Variants in POMK observed in about 807,000 individuals in gnomAD.
POMK encodes protein O-mannose kinase.
In POMK, 19 loss-of-function variants were observed where a neutral mutation model predicts 23.0. The ratio of observed to expected loss-of-function variants is 0.83; its 90% confidence interval spans 0.58 to 1.21. The LOEUF is 1.21. Ranked by LOEUF, POMK falls within the 50% of genes most tolerant of loss-of-function variation. The pLI is 0.00. For missense variants in POMK, 410 were observed against 431.3 expected, an observed-to-expected ratio of 0.95 and a Z score of 0.44; for synonymous variants, 173 against 171.6, an observed-to-expected ratio of 1.01 and a Z score of -0.06.
chr8:43,107,368 C>T (rs183386530), intron 4 of POMK, among the ~76,000 whole-genome samples: 13 of 152,228 alleles, frequency 8.5e-5, no homozygotes, highest in South Asian at 2.1e-4. Context: ...TTGCATAAAG[C>T]GCATCAGTAA....
rs192633707 is a variant in POMK at position 43,111,366 on chromosome 8, G to C, written c.282+7536G>C. 3.2e-3 allele frequency among the ~76,000 whole-genome samples: 480 copies of C among 152,284 alleles called. 1 individual carries two copies. Among genetic ancestry groups the C allele is most frequent in the African/African-American group, 0.01 (422 of 41,572 alleles). ...GATCAAACTGCAAGGCCGCAGCGAG[G>C]CTGGGGGAGGGGCGCCCGCCATTGC... On this transcript the variant is annotated intron_variant, in intron 4 of 4. Coordinates refer to ENST00000331373, the MANE Select transcript of POMK (RefSeq NM_032237.5).
At chr8:43,120,076 A>T (rs1204696143) in intron 4 of POMK, among the ~76,000 whole-genome samples, 1 of 152,102 alleles carries the variant, frequency 6.6e-6, no homozygotes, top group Non-Finnish European at 1.5e-5. Context: ...ATCACCCAGA[A>T]TCTTACCACA....
chr8:43,096,672 A>AAAAAAAG (rs747438893), intron 1 of POMK, among the ~76,000 whole-genome samples: 2 of 151,606 alleles, frequency 1.3e-5, no homozygotes, highest in African/African-American at 2.4e-5. Flanking sequence ...ACTCCTTCTC[A>AAAAAAAG]AAAAAAGAAA....
rs1331879356 is a variant in POMK at position 43,122,646 on chromosome 8, C to G, written c.822C>G (p.Pro274=). ...EDVPFHDDLM[P]SYDEKIDIWK... is the part of the protein sequence containing the mutation. ...TGCCTTTCCACGATGATCTCATGCCCTCATATGATGAGAAGATTGACATTT... is the reference window on the plus strand; with the variant it reads ...TGCCTTTCCACGATGATCTCATGCCGTCATATGATGAGAAGATTGACATTT... The change falls in exon 5 of 5, where the codon CCC becomes CCG. Residue 274 remains proline (P), a synonymous_variant. Transcript: ENST00000331373. 1 of 1,614,158 alleles carries G rather than the reference C, an allele frequency of 6.2e-7. No homozygotes were observed. Among genetic ancestry groups the G allele is most frequent in the Non-Finnish European group, 8.5e-7 (1 of 1,180,012 alleles).
chr8:43,109,625 C>T (rs1464339452), intron 4 of POMK, among the ~76,000 whole-genome samples: 2 of 152,096 alleles, frequency 1.3e-5, no homozygotes, highest in Admixed American at 1.3e-4. Flanking sequence ...TCACTGCAGC[C>T]TCCATCTCCT....
chr8:43,122,235 G>A lies in POMK; in HGVS notation c.411G>A (p.Leu137=). The part of the protein sequence containing the change: ...KSLQGTHVVT[L]LGYCEDDNTM... ...TCCAAGGCACACATGTTGTCACGCT[G>A]CTTGGCTATTGTGAGGATGACAACA... is the stretch of plus-strand genomic sequence containing the variant. Residue 137 remains leucine, a synonymous_variant, in exon 5 of 5, where the codon CTG becomes CTA. Coordinates refer to ENST00000331373, the MANE Select transcript of POMK (RefSeq NM_032237.5). The A allele has an allele frequency of 6.2e-7, 1 of 1,614,188 alleles. No individual in the cohort carries two copies. The highest frequency in any genetic ancestry group is 2.2e-5 in the East Asian group (1 of 44,880).
intron 4 of POMK, among the ~76,000 whole-genome samples, chr8:43,108,898 AAC>A (rs1418271758): frequency 6.6e-6 from 1 of 152,212 alleles, no homozygotes; most frequent in Non-Finnish European, 1.5e-5. Flanking sequence ...AATTCAACAC[AAC>A]AGTTATTACT....
rs186602110 is a variant in POMK at position 43,113,124 on chromosome 8, A to G, written c.283-8983A>G. The stretch of plus-strand genomic sequence containing the variant: ...TCTTCTCGAGGAGTATCTTTGTGGC[A>G]TTTTCTGTATTTCCTGAATCTGAAA... On this transcript the variant is annotated intron_variant, in intron 4 of 4. Transcript: ENST00000331373. Among the ~76,000 whole-genome samples the G allele has an allele frequency of 7.2e-3, 1,090 of 151,938 alleles. 16 individuals carry two copies. Among genetic ancestry groups the G allele is most frequent in the African/African-American group, 0.025 (1,029 of 41,320 alleles).
At chr8:43,103,856 C>T in intron 4 of POMK, 26 bp downstream of exon 4, 1 of 1,610,152 alleles carries the variant, frequency 6.2e-7, no homozygotes, top group Non-Finnish European at 8.5e-7. Flanking sequence ...TTTGCGATTG[C>T]TGTCATCCTG....
At chr8:43,121,022 C>T (rs1234213923) in intron 4 of POMK, among the ~76,000 whole-genome samples, 1 of 152,218 alleles carries the variant, frequency 6.6e-6, no homozygotes, top group Non-Finnish European at 1.5e-5. Context: ...TGGGTTCTCA[C>T]TATGTTGATC....
chr8:43,122,534 G>C lies in POMK; in HGVS notation c.710G>C (p.Ser237Thr). ...DLDALPLVNH[S>T]SGMLVKCGHR... ...GACGCCTTACCCCTGGTGAACCACAGCTCCGGGATGCTGGTGAAGTGCGGC... is the reference window on the plus strand; with the variant it reads ...GACGCCTTACCCCTGGTGAACCACACCTCCGGGATGCTGGTGAAGTGCGGC... The change falls in exon 5 of 5, where the codon AGC (serine) becomes ACC (threonine). Residue 237 changes from serine to threonine, a missense_variant. Ser to Thr is a moderately conservative substitution (Grantham distance 58). Transcript: ENST00000331373. 1 of 1,614,200 alleles carries C rather than the reference G, an allele frequency of 6.2e-7. No individual in the cohort carries two copies. Among genetic ancestry groups the C allele is most frequent in the Non-Finnish European group, 8.5e-7 (1 of 1,180,032 alleles).
chr8:43,101,918 G>C (rs911198555), intron 2 of POMK, among the ~76,000 whole-genome samples: 1 of 152,122 alleles, frequency 6.6e-6, no homozygotes, highest in Non-Finnish European at 1.5e-5. Context: ...CTGTATATGG[G>C]AGTGGATTTT....
chr8:43,103,626 C>G lies in POMK; in HGVS notation c.78C>G (p.Ile26Met). The change falls in exon 4 of 5, where the codon ATC (isoleucine) becomes ATG (methionine). Residue 26 changes from isoleucine (I) to methionine (M), a missense_variant. Transcript: ENST00000331373. ...EVPPAVGLLL[I>M]MALMNTLLYL... is the part of the protein sequence containing the mutation. ...CGCCAGCTGTTGGGCTGCTGCTGATCATGGCCCTGATGAATACTCTGCTCT... is the reference window on the plus strand; with the variant it reads ...CGCCAGCTGTTGGGCTGCTGCTGATGATGGCCCTGATGAATACTCTGCTCT... 6.2e-7 allele frequency: 1 copy of G among 1,614,078 alleles called. No homozygotes were observed. The highest frequency in any genetic ancestry group is 8.5e-7 in the Non-Finnish European group (1 of 1,180,038).
At chr8:43,103,977 T>G in intron 4 of POMK, 147 bp downstream of exon 4, 1 of 830,088 alleles carries the variant, frequency 1.2e-6, no homozygotes, top group Non-Finnish European at 1.9e-6. Context: ...GCACCACATT[T>G]GCTTTGGTTG....
intron 4 of POMK, among the ~76,000 whole-genome samples, chr8:43,114,752 G>T (rs1375364102): frequency 1.3e-5 from 2 of 152,190 alleles, no homozygotes; most frequent in Non-Finnish European, 2.9e-5. Flanking sequence ...CGGCCATCTT[G>T]CCCCTTCGAT....
intron 2 of POMK, among the ~76,000 whole-genome samples, chr8:43,097,861 TCTGCAGTGGACATCC>T (rs1249545861): frequency 6.6e-6 from 1 of 152,034 alleles, no homozygotes; most frequent in Non-Finnish European, 1.5e-5. Context: ...ACTGGGGAGT[TCTGCAGTGGACATCC>T]CATACCTTGA....
chr8:43,103,927 C>T (rs1811498780), intron 4 of POMK, 97 bp downstream of exon 4: 4 of 1,278,148 alleles, frequency 3.1e-6, no homozygotes, highest in Non-Finnish European at 4.4e-6. Flanking sequence ...TACGGAATTT[C>T]ATCCTTTGTT....
chr8:43,106,266 C>T lies in POMK; in HGVS notation c.282+2436C>T, dbSNP rs555538826. Among the ~76,000 whole-genome samples, 21 of 152,188 alleles carry T rather than the reference C, an allele frequency of 1.4e-4. No homozygotes were observed. In the South Asian group the frequency reaches 4.4e-3, roughly 32 times the overall value. ...ATTAGTAACATTGAGCATTTTTTCA[C>T]AAATTTATTGGCCATTTGTATGTCT... On this transcript the variant is annotated intron_variant, in intron 4 of 4. Transcript: ENST00000331373.
intron 4 of POMK, among the ~76,000 whole-genome samples, chr8:43,114,511 G>C (rs111486813): frequency 2.4e-4 from 37 of 152,308 alleles, no homozygotes; most frequent in African/African-American, 8.9e-4. Flanking sequence ...GGTGCCGTCT[G>C]TCACCCCTTT....
Sources: allele counts gnomAD v4.1 joint callset (sites outside exome capture counted in the v4.1 genomes callset), GRCh38; gene constraint gnomAD v4.1.1; transcripts MANE v1.5; gene names NCBI Gene and HGNC (gene_info 2026-07-23, HGNC 2026-07-21).